The following GRHL2 variants were observed in gnomAD, a reference collection of about 807,000 sequenced individuals.
GRHL2 encodes grainyhead like transcription factor 2.
In GRHL2, 21 loss-of-function variants were observed where a neutral mutation model predicts 83.8. The observed-to-expected ratio is 0.25, with a 90% confidence interval of 0.18 to 0.36. The LOEUF is 0.36. Among genes scored for constraint, GRHL2 ranks in the 10% least tolerant of loss-of-function variants. The pLI is 1.00. For missense variants in GRHL2, 623 were observed against 781.8 expected, an observed-to-expected ratio of 0.80 and a Z score of 2.42; for synonymous variants, 280 against 278.9, an observed-to-expected ratio of 1.00 and a Z score of -0.04.
At position 101,521,075 on chromosome 8, in the gene GRHL2, G is replaced by A. The variant is rs527898036; in HGVS notation, c.21-22166G>A. Among the ~76,000 whole-genome samples the A allele has an allele frequency of 1.7e-4, 26 of 152,274 alleles. No individual in the cohort carries two copies. The South Asian group carries it at 5.4e-3, about 32-fold the overall frequency. On this transcript the variant is annotated intron_variant, in intron 1 of 15. Transcript: ENST00000646743. ...TACTTGTATTAGGGGAACCACCTGT[G>A]AGAAAAAAATACAGAGGGAGCTGGC...
chr8:101,593,432 A>AAAAG (rs1217861632), intron 7 of GRHL2, among the ~76,000 whole-genome samples: 1 of 152,170 alleles, frequency 6.6e-6, no homozygotes, highest in Non-Finnish European at 1.5e-5. Context: ...TTTAGGGGAA[A>AAAAG]AAAGTCCATT....
intron 7 of GRHL2, among the ~76,000 whole-genome samples, chr8:101,582,713 C>G (rs1812081709): frequency 6.6e-6 from 1 of 152,178 alleles, no homozygotes; most frequent in African/African-American, 2.4e-5. Flanking sequence ...CTGCGACCAC[C>G]CACCTCAGCG....
chr8:101,515,787 G>T (rs1810561467), intron 1 of GRHL2, among the ~76,000 whole-genome samples: 1 of 152,126 alleles, frequency 6.6e-6, no homozygotes, highest in African/African-American at 2.4e-5. Flanking sequence ...CAGCTGACTG[G>T]TGTTGGGGCC....
intron 4 of GRHL2, among the ~76,000 whole-genome samples, chr8:101,565,171 A>G (rs756806806): frequency 1.3e-4 from 20 of 152,242 alleles, no homozygotes; most frequent in Non-Finnish European, 1.8e-4. Context: ...AGAGAGGTTA[A>G]GAAACAAACC....
Position 101,613,030 on chromosome 8 carries a change from GCT to G in GRHL2, c.1099-6505_1099-6504del, listed in dbSNP as rs979298208. 4.6e-4 allele frequency among the ~76,000 whole-genome samples: 70 copies of G among 151,104 alleles called. 7 individuals carry two copies. Among genetic ancestry groups the G allele is most frequent in the African/African-American group, 1.7e-3 (67 of 40,490 alleles). ...GAGGAGGAAGAGGAGGTAAAAGGCA[GCT>G]CTCCATGGGATGGTCAAGGCAGGTA... On this transcript the variant is annotated intron_variant, in intron 8 of 15. Coordinates refer to ENST00000646743, the MANE Select transcript of GRHL2 (RefSeq NM_024915.4).
chr8:101,673,314 G>C (rs1009512360), downstream of GRHL2, among the ~76,000 whole-genome samples: 1 of 152,052 alleles, frequency 6.6e-6, no homozygotes, highest in Non-Finnish European at 1.5e-5. Context: ...CCCATCTCAC[G>C]TGCAGAGACA....
intron 2 of GRHL2, among the ~76,000 whole-genome samples, chr8:101,552,101 C>T (rs924192643): frequency 7.9e-5 from 12 of 152,034 alleles, no homozygotes; most frequent in Admixed American, 2.6e-4. Context: ...TCCCAAAGGG[C>T]ATTAGGAGTT....
At chr8:101,650,451 A>G (rs1813599093) in intron 14 of GRHL2, among the ~76,000 whole-genome samples, 1 of 152,102 alleles carries the variant, frequency 6.6e-6, no homozygotes, top group Non-Finnish European at 1.5e-5. Flanking sequence ...CCTTTTGGCT[A>G]TTGTGAATAC....
chr8:101,531,073 T>TA (rs1342996753), intron 1 of GRHL2, among the ~76,000 whole-genome samples: 3 of 151,560 alleles, frequency 2.0e-5, no homozygotes, highest in Admixed American at 1.3e-4. Flanking sequence ...TCTACAAAAA[T>TA]AAAAAAATTA....
At chr8:101,606,330 A>G (rs10955261) in intron 8 of GRHL2, among the ~76,000 whole-genome samples, 77,402 of 152,100 alleles carry the variant, frequency 0.51, 21,611 homozygotes, top group African/African-American at 0.74. Context: ...GAAAATGCAA[A>G]GTGAGGAGAC....
Position 101,542,159 on chromosome 8 carries a change from A to T in GRHL2, c.21-1082A>T, listed in dbSNP as rs553117202. Among the ~76,000 whole-genome samples, 6 of 152,344 alleles carry T rather than the reference A, an allele frequency of 3.9e-5. No individual in the cohort carries two copies. In the South Asian group the frequency reaches 1.0e-3, roughly 26 times the overall value. On this transcript the variant is annotated intron_variant, in intron 1 of 15. Transcript: ENST00000646743. ...TCAAGTATAGATTAAACTAGATAAA[A>T]CAGTTTTCAATAATCATTAGCATAT...
rs114692696 is a variant in GRHL2, at chr8:101,547,446, G to A, written c.216+4010G>A. ...AGTCATGGACTCTGTCCACAGGGAGGAGTTCATGAGCTACACGCAGGCACT... is the reference window on the plus strand; with the variant it reads ...AGTCATGGACTCTGTCCACAGGGAGAAGTTCATGAGCTACACGCAGGCACT... On this transcript the variant is annotated intron_variant, in intron 2 of 15. Coordinates refer to ENST00000646743, the MANE Select transcript of GRHL2 (RefSeq NM_024915.4). 7.0e-3 allele frequency among the ~76,000 whole-genome samples: 1,065 copies of A among 152,288 alleles called. 17 individuals carry two copies. Among genetic ancestry groups the A allele is most frequent in the African/African-American group, 0.023 (960 of 41,552 alleles).
chr8:101,561,155 AT>A (rs35460086), intron 4 of GRHL2, among the ~76,000 whole-genome samples: 211 of 145,232 alleles, frequency 1.5e-3, no homozygotes, highest in Middle Eastern at 3.5e-3. Context: ...TTTCGAAGTA[AT>A]TTTTTTTTTT....
chr8:101,514,086 T>A lies in GRHL2; in HGVS notation c.20+21297T>A, dbSNP rs143858904. On this transcript the variant is annotated intron_variant, in intron 1 of 15. Transcript: ENST00000646743. ...GGTCTGTCTTCTCACCCTTTCTTCA[T>A]CAGATTTTACCTCTCCTGCTATTCT... Among the ~76,000 whole-genome samples, 48 of 152,276 alleles carry A rather than the reference T, an allele frequency of 3.2e-4. No individual in the cohort carries two copies. The East Asian group carries it at 7.6e-3, about 24-fold the overall frequency.
At chr8:101,615,392 T>C (rs1167095698) in intron 8 of GRHL2, among the ~76,000 whole-genome samples, 1 of 152,198 alleles carries the variant, frequency 6.6e-6, no homozygotes, top group East Asian at 1.9e-4. Flanking sequence ...GTGATTGACA[T>C]GTGGTTAAAT....
chr8:101,585,811 A>G (rs187363650), intron 7 of GRHL2, among the ~76,000 whole-genome samples: 3 of 152,196 alleles, frequency 2.0e-5, no homozygotes, highest in Non-Finnish European at 4.4e-5. Flanking sequence ...AATAATTTTC[A>G]ATCATAATTG....
intron 1 of GRHL2, among the ~76,000 whole-genome samples, chr8:101,500,644 G>A (rs138435417): frequency 0.013 from 1,949 of 152,208 alleles, 27 homozygotes; most frequent in Non-Finnish European, 0.02. Context: ...GAGTAGCTGG[G>A]ACTATAGGTG....
chr8:101,620,574 C>T (rs1812945593), intron 9 of GRHL2, among the ~76,000 whole-genome samples: 1 of 152,130 alleles, frequency 6.6e-6, no homozygotes, highest in Non-Finnish European at 1.5e-5. Context: ...ATGTGAACAG[C>T]AAAACTTAAA....
intron 7 of GRHL2, among the ~76,000 whole-genome samples, chr8:101,598,164 T>C (rs555214829): frequency 1.3e-5 from 2 of 151,000 alleles, no homozygotes; most frequent in South Asian, 2.1e-4. Flanking sequence ...AGTAACCAAA[T>C]AAAGTCATAA....
Sources: allele counts gnomAD v4.1 joint callset (sites outside exome capture counted in the v4.1 genomes callset), GRCh38; gene constraint gnomAD v4.1.1; transcripts MANE v1.5; gene names NCBI Gene and HGNC (gene_info 2026-07-23, HGNC 2026-07-21).